ZNF490: variants seen among roughly 807,000 people sequenced by gnomAD.
ZNF490 encodes zinc finger protein 490.
A neutral mutation model predicts 17.7 loss-of-function variants in ZNF490; 11 were observed. The observed-to-expected ratio is 0.62, with a 90% CI of 0.39 to 1.03. The LOEUF (loss-of-function observed/expected upper bound fraction) is 1.03. ZNF490 is among the 50% of genes least tolerant of loss of function. The probability of loss-of-function intolerance (pLI) is 0.00; values close to 1 mark genes in which losing one functional copy is unlikely to be tolerated. For missense variants in ZNF490, 542 were observed against 643.4 expected (o/e 0.84, Z 1.71); for synonymous variants, 222 against 216.1 (o/e 1.03, Z -0.24).
intron 4 of ZNF490, 131 bp from the exon 5 acceptor site, chr19:12,581,855 G>T: frequency 1.2e-6 from 1 of 814,070 alleles, no homozygotes; most frequent in Non-Finnish European, 1.9e-6. Context: ...AAATTGTTTT[G>T]AAAGCTAATA....
chr19:12,587,124 G>A lies in ZNF490; in HGVS notation c.163-3568C>T, dbSNP rs200822962. ...AATATATGTTGTCTGCAAGAAATTCGCTTTTTTTTTTTTTTTTACTTTGTT... is the reference window on the plus strand; with the variant it reads ...AATATATGTTGTCTGCAAGAAATTCACTTTTTTTTTTTTTTTTACTTTGTT... On this transcript the variant is annotated intron_variant, in intron 2 of 4. Coordinates refer to ENST00000311437, the MANE Select transcript of ZNF490 (RefSeq NM_020714.3). 2.5e-4 allele frequency among the ~76,000 whole-genome samples: 20 copies of A among 79,774 alleles called. 5 individuals are homozygous for A. Among genetic ancestry groups the A allele is most frequent in the East Asian group, 6.5e-4 (3 of 4,642 alleles). The allele number at this position is 79,774 out of a possible 152,430, so 52.3% of individuals were successfully genotyped here. A position where few individuals can be genotyped will look rare whatever the true frequency, so the allele number is the denominator to read the frequency against.
chr19:12,578,320 A>G lies in ZNF490; in HGVS notation c.*2165T>C, dbSNP rs952742430. ...CATGGCAGAGTGTGTCTGTGACTCC[A>G]CTAGCAGTTTTGAGATTATTCTGAC... On this transcript the variant is annotated 3_prime_UTR_variant, in exon 5 of 5. Transcript: ENST00000311437. 12 of 985,504 alleles carry G rather than the reference A, an allele frequency of 1.2e-5. No individual in the cohort carries two copies. In the African/African-American group the frequency reaches 2.1e-4, roughly 17 times the overall value. The allele number at this position is 985,504 out of a possible 1,614,324, so 61.0% of individuals were successfully genotyped here.
In ZNF490 at chr19:12,578,656, A is replaced by G; in HGVS notation, c.*1829T>C. 1.0e-6 allele frequency: 1 copy of G among 985,454 alleles called. No individual in the cohort carries two copies. The highest frequency in any genetic ancestry group is 1.2e-6 in the Non-Finnish European group (1 of 829,956). 61.0% of individuals were successfully genotyped at this position (985,454 alleles called of 1,614,324 possible). A position where few individuals can be genotyped will look rare whatever the true frequency, so the allele number is the denominator to read the frequency against. On this transcript the variant is annotated 3_prime_UTR_variant, in exon 5 of 5. Coordinates refer to ENST00000311437, the MANE Select transcript of ZNF490 (RefSeq NM_020714.3). Reference sequence around the variant, plus strand: ...GTAAGATGCGAACCTTTGTCTTAGAAGTACAGCATTCCCACAGTCTGACCC... The same window carrying G: ...GTAAGATGCGAACCTTTGTCTTAGAGGTACAGCATTCCCACAGTCTGACCC...
chr19:12,589,069 C>G (rs1048226798), intron 2 of ZNF490, among the ~76,000 whole-genome samples: 17 of 152,290 alleles, frequency 1.1e-4, no homozygotes, highest in African/African-American at 4.1e-4. Context: ...CGCCTGTAAT[C>G]CCAGCGCTTT....
chr19:12,596,664 AAAAC>A (rs1416430132), intron 2 of ZNF490, among the ~76,000 whole-genome samples: 3 of 152,154 alleles, frequency 2.0e-5, no homozygotes, highest in Admixed American at 1.3e-4. Context: ...GACCGTGTCA[AAAAC>A]AAACAAATTC....
At position 12,581,254 on chromosome 19, in the gene ZNF490, C is replaced by G. The variant is rs749455165; in HGVS notation, c.821G>C (p.Gly274Ala). The change falls in exon 5 of 5, where the codon GGA becomes GCA. Residue 274 changes from glycine (G) to alanine (A), a missense_variant. Coordinates refer to ENST00000311437, the MANE Select transcript of ZNF490 (RefSeq NM_020714.3). ...CTGTTTACATTTGTAGGGTTTCTCT[C>G]CAGTGTGATTTTTTTCATGGCGCCG... ...ALRRHEKNHT[G>A]EKPYKCKQCG... 11 of 1,614,020 alleles carry G rather than the reference C, an allele frequency of 6.8e-6. No homozygotes were observed. In the Admixed American group the frequency reaches 1.3e-4, roughly 20 times the overall value.
chr19:12,607,774 ATC>A (rs2023087692), intron 2 of ZNF490, among the ~76,000 whole-genome samples: 1 of 151,816 alleles, frequency 6.6e-6, no homozygotes. Context: ...ACAGCATAGC[ATC>A]TGCAGACAGA....
chr19:12,592,378 G>T lies in ZNF490; in HGVS notation c.163-8822C>A, dbSNP rs1162540337. On this transcript the variant is annotated intron_variant, in intron 2 of 4. Transcript: ENST00000311437. ...AGTTCAAGACCAGCATGGGTGTTAT[G>T]ATGAGACCCCATCTCAATTTAAAAA... Among the ~76,000 whole-genome samples, 4 of 150,590 alleles carry T rather than the reference G, an allele frequency of 2.7e-5. No homozygotes were observed. In the East Asian group the frequency reaches 7.8e-4, roughly 29 times the overall value.
chr19:12,589,871 CATGTATGTATGTATGT>C (rs557685394), intron 2 of ZNF490, among the ~76,000 whole-genome samples: 135 of 149,586 alleles, frequency 9.0e-4, no homozygotes, highest in African/African-American at 3.0e-3. Context: ...TCTCACCATT[CATGTATGTATGTATGT>C]ATGTATGTAT....
intron 2 of ZNF490, among the ~76,000 whole-genome samples, chr19:12,602,093 CA>C (rs2023014232): frequency 6.8e-6 from 1 of 147,808 alleles, no homozygotes; most frequent in Admixed American, 7.0e-5. Flanking sequence ...CACACACACA[CA>C]CACACACACA....
chr19:12,600,568 A>G (rs138505141), intron 2 of ZNF490, among the ~76,000 whole-genome samples: 2 of 152,174 alleles, frequency 1.3e-5, no homozygotes, highest in East Asian at 1.9e-4. Flanking sequence ...TAATTCTGAT[A>G]TATCAGTGTA....
At chr19:12,595,272 T>G (rs1182597389) in intron 2 of ZNF490, among the ~76,000 whole-genome samples, 1 of 151,934 alleles carries the variant, frequency 6.6e-6, no homozygotes, top group Non-Finnish European at 1.5e-5. Context: ...GTAGCTGGGA[T>G]TACAGCCATG....
chr19:12,598,928 G>A (rs1356702505), intron 2 of ZNF490, among the ~76,000 whole-genome samples: 8 of 150,904 alleles, frequency 5.3e-5, no homozygotes, highest in Admixed American at 2.6e-4. Context: ...CAGAGGTTGC[G>A]GTGAGCCGAG....
At chr19:12,586,124 A>G (rs1160092619) in intron 2 of ZNF490, among the ~76,000 whole-genome samples, 1 of 91,146 alleles carries the variant, frequency 1.1e-5, no homozygotes. Flanking sequence ...CAACATAGCA[A>G]AACCCCATCT....
In ZNF490 at chr19:12,583,565, T is replaced by TC. The variant is rs1568278494; in HGVS notation, c.163-10dup. The TC allele has an allele frequency of 6.3e-7, 1 of 1,584,906 alleles. No homozygotes were observed. The highest frequency in any genetic ancestry group is 8.6e-7 in the Non-Finnish European group (1 of 1,161,942). The stretch of plus-strand genomic sequence containing the variant: ...TCAAGGGAGATGGAGTCCTAAAACA[T>TC]CCCCCATGTGTGTTTAGGAGGAGGA... On this transcript the variant is annotated splice_polypyrimidine_tract_variant and intron_variant, in intron 2 of 4. Coordinates refer to ENST00000311437, the MANE Select transcript of ZNF490 (RefSeq NM_020714.3).
intron 2 of ZNF490, among the ~76,000 whole-genome samples, chr19:12,588,986 A>G (rs2022834600): frequency 6.6e-6 from 1 of 152,182 alleles, no homozygotes; most frequent in Non-Finnish European, 1.5e-5. Flanking sequence ...ATATACCACC[A>G]AAGAATGATC....
Position 12,579,016 on chromosome 19 carries a change from G to A in ZNF490, c.*1469C>T, listed in dbSNP as rs1014090963. ...CGCCTATAATCCCAGCACTTTGGGA[G>A]GCCGAGGAGGGCGGATCACGAGGTC... On this transcript the variant is annotated 3_prime_UTR_variant, in exon 5 of 5. Coordinates refer to ENST00000311437, the MANE Select transcript of ZNF490 (RefSeq NM_020714.3). 8.5e-5 allele frequency: 70 copies of A among 827,304 alleles called. No homozygotes were observed. The highest frequency in any genetic ancestry group is 9.8e-5 in the Non-Finnish European group (67 of 685,518). The allele number at this position is 827,304 out of a possible 1,614,324, so 51.2% of individuals were successfully genotyped here.
At chr19:12,609,438 G>C (rs1328195679) in intron 1 of ZNF490, among the ~76,000 whole-genome samples, 2 of 152,110 alleles carry the variant, frequency 1.3e-5, no homozygotes, top group Non-Finnish European at 2.9e-5. Context: ...TCCCAGGCTG[G>C]AATGCAGTGG....
intron 2 of ZNF490, among the ~76,000 whole-genome samples, chr19:12,594,133 T>A (rs1193269359): frequency 6.6e-6 from 1 of 152,120 alleles, no homozygotes; most frequent in Non-Finnish European, 1.5e-5. Flanking sequence ...CTTATGGTCA[T>A]CATGGATAAT....
Sources: gnomAD v4.1 joint callset for allele counts (sites outside exome capture counted in the v4.1 genomes callset) on GRCh38, gnomAD v4.1.1 for gene constraint, MANE v1.5 for transcripts, NCBI Gene and HGNC (gene_info 2026-07-23, HGNC 2026-07-21) for gene names.